Variants in CSRNP3 observed in about 807,000 individuals in gnomAD.
CSRNP3 encodes cysteine and serine rich nuclear protein 3.
In CSRNP3, 12 loss-of-function variants were observed where a neutral mutation model predicts 48.0. That is an observed-to-expected ratio of 0.25 (90% CI 0.16 to 0.41). The LOEUF is 0.41. Among genes scored for constraint, CSRNP3 ranks in the 10% least tolerant of loss-of-function variants. The probability of loss-of-function intolerance (pLI) is 1.00; values close to 1 mark genes in which losing one functional copy is unlikely to be tolerated. For missense variants in CSRNP3, 580 were observed against 724.4 expected, an observed-to-expected ratio of 0.80 and a Z score of 2.29; for synonymous variants, 263 against 269.7, an observed-to-expected ratio of 0.98 and a Z score of 0.24.
At chr2:165,584,519 T>C (rs1355282945) in intron 3 of CSRNP3, among the ~76,000 whole-genome samples, 1 of 152,224 alleles carries the variant, frequency 6.6e-6, no homozygotes, top group African/African-American at 2.4e-5. Context: ...TGTCACATAG[T>C]ACTCAGCTTT....
intron 4 of CSRNP3, among the ~76,000 whole-genome samples, chr2:165,599,375 T>TTTG (rs1558946190): frequency 0.019 from 2,834 of 150,928 alleles, 87 homozygotes; most frequent in African/African-American, 0.066. Flanking sequence ...TCTGAGGTTT[T>TTTG]TTTGTTTGTT....
At chr2:165,550,018 A>G (rs901595652) in intron 3 of CSRNP3, among the ~76,000 whole-genome samples, 2 of 152,166 alleles carry the variant, frequency 1.3e-5, no homozygotes, top group Non-Finnish European at 2.9e-5. Context: ...TTGCCATTAT[A>G]CATGTAGGAC....
chr2:165,555,620 A>C (rs936741536), intron 3 of CSRNP3, among the ~76,000 whole-genome samples: 10 of 152,182 alleles, frequency 6.6e-5, no homozygotes, highest in Non-Finnish European at 1.5e-4. Flanking sequence ...TTGCCTACTC[A>C]TTGATGGTGA....
chr2:165,587,060 G>T (rs1685644473), intron 3 of CSRNP3, among the ~76,000 whole-genome samples: 1 of 151,978 alleles, frequency 6.6e-6, no homozygotes, highest in Admixed American at 6.6e-5. Flanking sequence ...GTTTTTTCTT[G>T]CAGACAGAGA....
chr2:165,540,720 T>C (rs1375536509), intron 3 of CSRNP3, among the ~76,000 whole-genome samples: 2 of 152,064 alleles, frequency 1.3e-5, no homozygotes, highest in African/African-American at 4.8e-5. Context: ...GGTTACATTC[T>C]GAATTACCAG....
At chr2:165,529,163 C>T (rs1233381706) in intron 3 of CSRNP3, among the ~76,000 whole-genome samples, 1 of 152,154 alleles carries the variant, frequency 6.6e-6, no homozygotes, top group Non-Finnish European at 1.5e-5. Context: ...TCACACCAGT[C>T]AGAATGGCTA....
At chr2:165,610,304 G>A (rs536233309) in intron 4 of CSRNP3, among the ~76,000 whole-genome samples, 6 of 152,088 alleles carry the variant, frequency 3.9e-5, no homozygotes, top group African/African-American at 1.2e-4. Flanking sequence ...CCAAATTTCC[G>A]CAAACATAAC....
At chr2:165,634,108 G>A (rs1686587612) in intron 4 of CSRNP3, among the ~76,000 whole-genome samples, 1 of 152,156 alleles carries the variant, frequency 6.6e-6, no homozygotes, top group South Asian at 2.1e-4. Flanking sequence ...GGAGGCCAAG[G>A]CAGGCGGATC....
chr2:165,585,164 TTAAC>T (rs960478605), intron 3 of CSRNP3, among the ~76,000 whole-genome samples: 88 of 152,322 alleles, frequency 5.8e-4, no homozygotes, highest in African/African-American at 2.1e-3. Context: ...GAACATTTGG[TTAAC>T]TAAAGCTATT....
intron 4 of CSRNP3, among the ~76,000 whole-genome samples, chr2:165,643,832 C>G (rs566919185): frequency 6.6e-6 from 1 of 152,198 alleles, no homozygotes; most frequent in South Asian, 2.1e-4. Context: ...AGAACACATG[C>G]CTGTATATTA....
At chr2:165,583,103 C>T (rs547818582) in intron 3 of CSRNP3, among the ~76,000 whole-genome samples, 2 of 152,354 alleles carry the variant, frequency 1.3e-5, no homozygotes, top group South Asian at 4.1e-4. Flanking sequence ...CCCATGGAAA[C>T]ACCTTGTGGG....
chr2:165,535,992 AAGTAAAATC>A (rs2105247946), intron 3 of CSRNP3, among the ~76,000 whole-genome samples: 1 of 151,978 alleles, frequency 6.6e-6, no homozygotes, highest in African/African-American at 2.4e-5. Flanking sequence ...AAAAGTTTGC[AAGTAAAATC>A]AGAGGTCATT....
Position 165,657,741 on chromosome 2 carries a change from A to G in CSRNP3, c.149-20A>G. The G allele has an allele frequency of 2.5e-6, 4 of 1,610,778 alleles. No individual in the cohort carries two copies. The South Asian group carries it at 4.4e-5, about 18-fold the overall frequency. On this transcript the variant is annotated intron_variant, in intron 4 of 6. Coordinates refer to ENST00000651982, the MANE Select transcript of CSRNP3 (RefSeq NM_001172173.2). The stretch of plus-strand genomic sequence containing the variant: ...AACTGCTGCCCCAAGTGTTCACAGG[A>G]TTGTTTCTTTCTCTTTCAGCTTCCT...
intron 3 of CSRNP3, among the ~76,000 whole-genome samples, chr2:165,518,420 A>G (rs898849885): frequency 1.3e-5 from 2 of 151,938 alleles, no homozygotes; most frequent in African/African-American, 2.4e-5. Flanking sequence ...AACTACAGCC[A>G]AATAAATAAT....
At chr2:165,662,232 G>A (rs1293048512) in intron 5 of CSRNP3, among the ~76,000 whole-genome samples, 1 of 139,346 alleles carries the variant, frequency 7.2e-6, no homozygotes, top group Non-Finnish European at 1.6e-5. Context: ...TCCTAATTTA[G>A]TAATTCATCT....
At chr2:165,650,490 C>T (rs536361817) in intron 4 of CSRNP3, among the ~76,000 whole-genome samples, 20 of 152,290 alleles carry the variant, frequency 1.3e-4, no homozygotes, top group African/African-American at 4.8e-4. Flanking sequence ...TTAAGTTAAT[C>T]TTAATAACTT....
intron 2 of CSRNP3, among the ~76,000 whole-genome samples, chr2:165,495,809 T>C (rs1239678315): frequency 6.6e-6 from 1 of 151,774 alleles, no homozygotes. Flanking sequence ...CATAAAAGAG[T>C]ATCATTCAAG....
intron 2 of CSRNP3, among the ~76,000 whole-genome samples, chr2:165,512,906 A>C (rs1171788971): frequency 6.6e-6 from 1 of 152,184 alleles, no homozygotes; most frequent in Non-Finnish European, 1.5e-5. Flanking sequence ...AGATTGAGAC[A>C]ATCCTGGCTA....
intron 3 of CSRNP3, among the ~76,000 whole-genome samples, chr2:165,545,795 T>C (rs529803172): frequency 1.3e-5 from 2 of 152,210 alleles, no homozygotes; most frequent in Non-Finnish European, 1.5e-5. Flanking sequence ...AAAATGAATA[T>C]GTATTACTTT....
Sources: gnomAD v4.1 joint callset for allele counts (sites outside exome capture counted in the v4.1 genomes callset) on GRCh38, gnomAD v4.1.1 for gene constraint, MANE v1.5 for transcripts, NCBI Gene and HGNC (gene_info 2026-07-23, HGNC 2026-07-21) for gene names.